RBPMS: variants seen among roughly 807,000 people sequenced by gnomAD.
The protein encoded by RBPMS is RNA binding protein, mRNA processing factor.
Under a neutral mutation model 26.8 loss-of-function variants are expected in RBPMS, and 7 were observed. That is an observed-to-expected ratio of 0.26 (90% confidence interval 0.15 to 0.49). The LOEUF (loss-of-function observed/expected upper bound fraction) is 0.49, where lower values mean the gene tolerates loss of function less well. Among genes scored for constraint, RBPMS ranks in the 20% least tolerant of loss-of-function variants. RBPMS has a pLI of 0.98. For synonymous variants in RBPMS, 96 were observed against 93.3 expected (o/e 1.03, Z -0.17); for missense variants, 186 against 250.0 (o/e 0.74, Z 1.73).
At chr8:30,533,448 A>G (rs1824451636) in intron 5 of RBPMS, among the ~76,000 whole-genome samples, 1 of 152,212 alleles carries the variant, frequency 6.6e-6, no homozygotes, top group Non-Finnish European at 1.5e-5. Context: ...CACTTTTGAG[A>G]TGTCCACACT....
chr8:30,459,913 G>C (rs1815697882), intron 1 of RBPMS, among the ~76,000 whole-genome samples: 1 of 152,024 alleles, frequency 6.6e-6, no homozygotes, highest in Non-Finnish European at 1.5e-5. Context: ...GTTGTCTTTT[G>C]TTGTTTCCAG....
intron 1 of RBPMS, among the ~76,000 whole-genome samples, chr8:30,423,180 C>CCTACCAGTTCTCTGT (rs1810987643): frequency 6.6e-6 from 1 of 152,212 alleles, no homozygotes; most frequent in Non-Finnish European, 1.5e-5. Flanking sequence ...CCCAGCCTCG[C>CCTACCAGTTCTCTGT]CTACCAGTTC....
At chr8:30,385,313 C>T (rs1806897114) in intron 1 of RBPMS, 155 bp downstream of exon 1, 1 of 475,022 alleles carries the variant, frequency 2.1e-6, no homozygotes, top group East Asian at 3.8e-5. Flanking sequence ...GGGTGGATCT[C>T]GGGAGCGTGT....
chr8:30,478,690 G>A (rs898936751), intron 3 of RBPMS, among the ~76,000 whole-genome samples: 15 of 152,256 alleles, frequency 9.9e-5, no homozygotes, highest in African/African-American at 3.1e-4. Flanking sequence ...AGTAGAGACA[G>A]GGTTTCACCA....
At chr8:30,427,236 C>G (rs1263550743) in intron 1 of RBPMS, among the ~76,000 whole-genome samples, 1 of 152,234 alleles carries the variant, frequency 6.6e-6, no homozygotes, top group Non-Finnish European at 1.5e-5. Flanking sequence ...CATACCCACT[C>G]CAGCTCTATC....
intron 1 of RBPMS, among the ~76,000 whole-genome samples, chr8:30,474,053 C>T (rs1268072228): frequency 6.6e-6 from 1 of 151,998 alleles, no homozygotes; most frequent in East Asian, 1.9e-4. Flanking sequence ...CCTTTGTAAC[C>T]TGTACATCCT....
chr8:30,538,008 GT>G (rs1457684396), intron 5 of RBPMS, among the ~76,000 whole-genome samples: 1 of 152,192 alleles, frequency 6.6e-6, no homozygotes, highest in Non-Finnish European at 1.5e-5. Context: ...AGTTTAGGGT[GT>G]TTACATTGGA....
At chr8:30,411,687 AAAAGG>A (rs1809445091) in intron 1 of RBPMS, among the ~76,000 whole-genome samples, 3 of 149,820 alleles carry the variant, frequency 2.0e-5, no homozygotes, top group Admixed American at 1.3e-4. Context: ...AAAAAAAAGA[AAAAGG>A]AAATGTTTAG....
At chr8:30,563,584 G>A (rs1179679410) in intron 7 of RBPMS, among the ~76,000 whole-genome samples, 1 of 152,222 alleles carries the variant, frequency 6.6e-6, no homozygotes. Flanking sequence ...ATAAGCACAT[G>A]TAGTTACAGC....
At chr8:30,417,298 C>T (rs1810198037) in intron 1 of RBPMS, among the ~76,000 whole-genome samples, 1 of 152,122 alleles carries the variant, frequency 6.6e-6, no homozygotes, top group Non-Finnish European at 1.5e-5. Context: ...TTGGAATTGT[C>T]CAATGCCCTC....
intron 1 of RBPMS, among the ~76,000 whole-genome samples, chr8:30,423,955 A>C (rs921485864): frequency 3.9e-5 from 6 of 151,930 alleles, no homozygotes; most frequent in Non-Finnish European, 5.9e-5. Flanking sequence ...CTCTTGCCTC[A>C]GCCTTCTAAG....
At chr8:30,563,389 C>T (rs1041164558) in intron 7 of RBPMS, among the ~76,000 whole-genome samples, 1 of 152,202 alleles carries the variant, frequency 6.6e-6, no homozygotes, top group African/African-American at 2.4e-5. Context: ...GCATGAGCAA[C>T]GCTGCTGTCA....
intron 6 of RBPMS, chr8:30,545,524 A>G: frequency 2.4e-6 from 2 of 843,690 alleles, no homozygotes; most frequent in Non-Finnish European, 2.9e-6. Flanking sequence ...TAAATTTTAA[A>G]TTTTTAAAAA....
chr8:30,514,661 T>A (rs1307449332), intron 5 of RBPMS, among the ~76,000 whole-genome samples: 2 of 137,092 alleles, frequency 1.5e-5, no homozygotes, highest in African/African-American at 5.4e-5. Flanking sequence ...GGACTACGGG[T>A]GCGAGCCACC....
At chr8:30,492,087 T>A (rs1819460502) in intron 4 of RBPMS, among the ~76,000 whole-genome samples, 2 of 152,332 alleles carry the variant, frequency 1.3e-5, no homozygotes, top group South Asian at 4.1e-4. Context: ...AGATAGGGTT[T>A]CACCATGGTT....
At chr8:30,466,172 C>T (rs924529583) in intron 1 of RBPMS, among the ~76,000 whole-genome samples, 1 of 152,118 alleles carries the variant, frequency 6.6e-6, no homozygotes, top group Non-Finnish European at 1.5e-5. Flanking sequence ...TAGTGGATCC[C>T]TCAAAACTAG....
intron 5 of RBPMS, among the ~76,000 whole-genome samples, chr8:30,523,539 G>A (rs1823272530): frequency 6.6e-6 from 1 of 150,858 alleles, no homozygotes; most frequent in South Asian, 2.1e-4. Flanking sequence ...GCTTCATTTG[G>A]AGTATCATTT....
At chr8:30,531,868 C>T (rs1039662571) in intron 5 of RBPMS, among the ~76,000 whole-genome samples, 1 of 152,154 alleles carries the variant, frequency 6.6e-6, no homozygotes, top group Non-Finnish European at 1.5e-5. Context: ...ACACCTGGAG[C>T]TGCTTGTTGT....
intron 6 of RBPMS, among the ~76,000 whole-genome samples, chr8:30,554,339 A>G (rs963024985): frequency 1.3e-5 from 2 of 152,186 alleles, no homozygotes; most frequent in African/African-American, 4.8e-5. Context: ...GCATTTCTCA[A>G]CACCCACAGG....
Sources: gnomAD v4.1 joint callset for allele counts (sites outside exome capture counted in the v4.1 genomes callset) on GRCh38, gnomAD v4.1.1 for gene constraint, MANE v1.5 for transcripts, NCBI Gene and HGNC (gene_info 2026-07-23, HGNC 2026-07-21) for gene names.